Variants in CSGALNACT1 observed in about 807,000 individuals in gnomAD.
CSGALNACT1 encodes the protein beta4GalNAcT-1.
Under a neutral mutation model 51.0 loss-of-function variants are expected in CSGALNACT1, and 52 were observed. The ratio of observed to expected loss-of-function variants is 1.02; its 90% CI spans 0.82 to 1.29. CSGALNACT1 has a LOEUF of 1.29. CSGALNACT1 is among the 50% of genes most tolerant of loss of function. The pLI is 0.00. For synonymous variants in CSGALNACT1, 341 were observed against 254.4 expected, an observed-to-expected ratio of 1.34 and a Z score of -3.24; for missense variants, 935 against 679.2, an observed-to-expected ratio of 1.38 and a Z score of -4.19.
upstream of CSGALNACT1, chr8:19,682,944 C>G (rs1390848135): frequency 3.2e-6 from 1 of 312,252 alleles, no homozygotes; most frequent in Admixed American, 4.1e-5. Context: ...TTATCCATCG[C>G]TAGTTCACTT....
At chr8:19,708,351 C>G (rs1041675821) in intron 1 of CSGALNACT1, among the ~76,000 whole-genome samples, 5 of 152,170 alleles carry the variant, frequency 3.3e-5, no homozygotes, top group African/African-American at 1.2e-4. Context: ...TCACCTCTAT[C>G]ATCAGTAGCC....
intron 4 of CSGALNACT1, among the ~76,000 whole-genome samples, chr8:19,469,808 T>C (rs572064256): frequency 6.6e-6 from 1 of 152,302 alleles, no homozygotes; most frequent in Non-Finnish European, 1.5e-5. Context: ...GCACATTATC[T>C]GAATGTGTTT....
At chr8:19,731,163 A>G (rs2063671778) in intron 1 of CSGALNACT1, among the ~76,000 whole-genome samples, 1 of 152,126 alleles carries the variant, frequency 6.6e-6, no homozygotes, top group Non-Finnish European at 1.5e-5. Context: ...TTCATAATGC[A>G]ACTCCATTAG....
intron 3 of CSGALNACT1, among the ~76,000 whole-genome samples, chr8:19,536,689 G>A (rs1047371845): frequency 6.6e-6 from 1 of 152,154 alleles, no homozygotes; most frequent in African/African-American, 2.4e-5. Context: ...GAAAGCAAAA[G>A]AGCTAGAACA....
chr8:19,474,906 C>T (rs565864725), intron 4 of CSGALNACT1, among the ~76,000 whole-genome samples: 180 of 145,106 alleles, frequency 1.2e-3, no homozygotes, highest in Middle Eastern at 7.6e-3. Context: ...AAGAAAGCAA[C>T]TTCCATTTTT....
chr8:19,615,217 C>T (rs1340790467), intron 1 of CSGALNACT1, among the ~76,000 whole-genome samples: 1 of 152,132 alleles, frequency 6.6e-6, no homozygotes, highest in Non-Finnish European at 1.5e-5. Flanking sequence ...ACAGGAGAAT[C>T]AGTTGAACCC....
chr8:19,745,922 G>T (rs899745473), intron 1 of CSGALNACT1, among the ~76,000 whole-genome samples: 1 of 152,136 alleles, frequency 6.6e-6, no homozygotes, highest in Admixed American at 6.5e-5. Flanking sequence ...TAAGGAAGGG[G>T]AGTTGGCCAA....
chr8:19,528,282 A>C (rs543535652), intron 3 of CSGALNACT1, among the ~76,000 whole-genome samples: 2 of 152,156 alleles, frequency 1.3e-5, no homozygotes, highest in African/African-American at 4.8e-5. Context: ...AGAAAAAGAA[A>C]AAAAAAAAGC....
chr8:19,405,878 C>T (rs757173380), exon 10 of CSGALNACT1: 3 of 1,614,142 alleles, frequency 1.9e-6, no homozygotes, highest in Non-Finnish European at 2.5e-6. Flanking sequence ...TGGGATGCCT[C>T]GTTCATGGCC....
At chr8:19,441,123 C>T (rs1004188896) in intron 5 of CSGALNACT1, among the ~76,000 whole-genome samples, 65 of 152,130 alleles carry the variant, frequency 4.3e-4, no homozygotes, top group African/African-American at 6.0e-4. Context: ...GAATCAATAT[C>T]GTGAAAATGG....
At chr8:19,543,512 G>C (rs1050431256) in intron 3 of CSGALNACT1, among the ~76,000 whole-genome samples, 1 of 152,148 alleles carries the variant, frequency 6.6e-6, no homozygotes, top group Admixed American at 6.5e-5. Flanking sequence ...TTCTTTCTGA[G>C]AGCCTGGTAT....
intron 4 of CSGALNACT1, among the ~76,000 whole-genome samples, chr8:19,480,976 G>C (rs762478809): frequency 2.6e-5 from 4 of 152,120 alleles, no homozygotes; most frequent in Non-Finnish European, 5.9e-5. Flanking sequence ...GGGATCCTAG[G>C]TCTGTGTACT....
chr8:19,454,800 A>AT (rs1405239967), intron 5 of CSGALNACT1, among the ~76,000 whole-genome samples: 3 of 151,998 alleles, frequency 2.0e-5, no homozygotes, highest in African/African-American at 7.2e-5. Context: ...AAAAAAAAAA[A>AT]ATATTTCCAA....
chr8:19,486,642 C>A (rs1451289874), intron 4 of CSGALNACT1, among the ~76,000 whole-genome samples: 1 of 152,174 alleles, frequency 6.6e-6, no homozygotes, highest in Non-Finnish European at 1.5e-5. Flanking sequence ...CAAGTTTCTG[C>A]TCCAATATCA....
intron 5 of CSGALNACT1, among the ~76,000 whole-genome samples, chr8:19,446,383 A>G (rs1056977344): frequency 6.6e-6 from 1 of 152,250 alleles, no homozygotes; most frequent in African/African-American, 2.4e-5. Context: ...GAATCTCAGG[A>G]AACTCCAACT....
intron 1 of CSGALNACT1, among the ~76,000 whole-genome samples, chr8:19,698,851 C>T (rs1589576708): frequency 1.3e-5 from 2 of 152,260 alleles, no homozygotes; most frequent in African/African-American, 4.8e-5. Flanking sequence ...CTATGGGGGA[C>T]TGGTTCCAGG....
At chr8:19,573,302 C>T (rs957131303) in intron 3 of CSGALNACT1, among the ~76,000 whole-genome samples, 5 of 152,172 alleles carry the variant, frequency 3.3e-5, no homozygotes, top group Non-Finnish European at 7.3e-5. Flanking sequence ...TCAAACGAAT[C>T]ATCTTATTCT....
intron 1 of CSGALNACT1, among the ~76,000 whole-genome samples, chr8:19,752,887 T>C (rs916401528): frequency 6.6e-6 from 1 of 152,230 alleles, no homozygotes; most frequent in African/African-American, 2.4e-5. Context: ...CATGAAATTC[T>C]AGCAAACAAT....
At chr8:19,649,397 G>A (rs1259254510) in intron 1 of CSGALNACT1, among the ~76,000 whole-genome samples, 1 of 152,132 alleles carries the variant, frequency 6.6e-6, no homozygotes, top group African/African-American at 2.4e-5. Flanking sequence ...TTCTATACAT[G>A]AGCGTGATCT....
Sources: gnomAD v4.1 joint callset for allele counts (sites outside exome capture counted in the v4.1 genomes callset) on GRCh38, gnomAD v4.1.1 for gene constraint, MANE v1.5 for transcripts, NCBI Gene and HGNC (gene_info 2026-07-23, HGNC 2026-07-21) for gene names.